Variants in EXOC6B observed in about 807,000 individuals in gnomAD.
The protein encoded by EXOC6B is SEC15 homolog B.
EXOC6B carries 54 observed loss-of-function variants against 113.5 expected under a neutral mutation model. That is an observed-to-expected ratio of 0.48 (90% CI 0.38 to 0.60). The LOEUF is 0.60. EXOC6B is among the 20% of genes least tolerant of loss of function. The pLI, the probability that EXOC6B is intolerant of heterozygous loss-of-function variation, is 0.00. For missense variants in EXOC6B, 797 were observed against 977.5 expected, an observed-to-expected ratio of 0.82 and a Z score of 2.46; for synonymous variants, 357 against 339.0, an observed-to-expected ratio of 1.05 and a Z score of -0.58.
intron 20 of EXOC6B, among the ~76,000 whole-genome samples, chr2:72,309,900 A>G (rs1384145419): frequency 1.3e-5 from 2 of 152,160 alleles, no homozygotes; most frequent in East Asian, 3.8e-4. Flanking sequence ...GGAATCATAT[A>G]TGACTTTTTG....
intron 20 of EXOC6B, among the ~76,000 whole-genome samples, chr2:72,213,382 T>A (rs910242505): frequency 6.6e-6 from 1 of 152,188 alleles, no homozygotes. Flanking sequence ...CTTGTTAATG[T>A]AATAAAAAAT....
chr2:72,393,819 C>G (rs1692545639), intron 18 of EXOC6B, among the ~76,000 whole-genome samples: 1 of 152,234 alleles, frequency 6.6e-6, no homozygotes, highest in South Asian at 2.1e-4. Flanking sequence ...TTAATCAGTG[C>G]ATGCCCAATT....
At chr2:72,195,736 T>C (rs1679128840) in intron 20 of EXOC6B, among the ~76,000 whole-genome samples, 1 of 152,180 alleles carries the variant, frequency 6.6e-6, no homozygotes. Flanking sequence ...CTCCTAATCA[T>C]AATACAAGCT....
chr2:72,521,009 C>T (rs965433565), intron 8 of EXOC6B, among the ~76,000 whole-genome samples: 3 of 152,172 alleles, frequency 2.0e-5, no homozygotes, highest in Non-Finnish European at 4.4e-5. Context: ...CTGCTATGGT[C>T]TGAATGTGTC....
At chr2:72,414,840 A>G (rs1356032469) in intron 18 of EXOC6B, among the ~76,000 whole-genome samples, 1 of 152,210 alleles carries the variant, frequency 6.6e-6, no homozygotes, top group Non-Finnish European at 1.5e-5. Flanking sequence ...CACAGGATCA[A>G]TGGTCAGATA....
rs1479436330 is a variant in EXOC6B at position 72,233,757 on chromosome 2, A to G, written c.2197-49570T>C. The stretch of plus-strand genomic sequence containing the variant: ...GCGGCTTCACTCCAGCTTCTGGCCT[A>G]TCGGTCCTGCTTCAGCACGACTTTG... On this transcript the variant is annotated intron_variant, in intron 20 of 21. Coordinates refer to ENST00000272427, the MANE Select transcript of EXOC6B (RefSeq NM_015189.3). Among the ~76,000 whole-genome samples the G allele has an allele frequency of 3.3e-5, 5 of 152,172 alleles. No individual in the cohort carries two copies. The South Asian group carries it at 8.3e-4, about 25-fold the overall frequency.
chr2:72,236,083 T>C (rs1273148753), intron 20 of EXOC6B, among the ~76,000 whole-genome samples: 1 of 152,222 alleles, frequency 6.6e-6, no homozygotes, highest in Admixed American at 6.5e-5. Flanking sequence ...AAGTGATGTC[T>C]AGAAGAGTTA....
intron 1 of EXOC6B, among the ~76,000 whole-genome samples, chr2:72,792,978 T>C (rs1684755771): frequency 6.6e-6 from 1 of 152,230 alleles, no homozygotes; most frequent in Non-Finnish European, 1.5e-5. Context: ...TTCAGTATTA[T>C]ATAAGTAAGG....
chr2:72,314,014 AG>A (rs1687362222), intron 20 of EXOC6B, among the ~76,000 whole-genome samples: 1 of 152,144 alleles, frequency 6.6e-6, no homozygotes, highest in African/African-American at 2.4e-5. Flanking sequence ...ATGAAAGAAA[AG>A]GGCATGAGGA....
In EXOC6B at chr2:72,445,369, A is replaced by G. The variant is rs190376758; in HGVS notation, c.1980+19791T>C. ...CATTTTCCTGACTTCTGGGCCATCA[A>G]ACTGTTCCAACCTCTGCCCATTAAC... On this transcript the variant is annotated intron_variant, in intron 18 of 21. Coordinates refer to ENST00000272427, the MANE Select transcript of EXOC6B (RefSeq NM_015189.3). Among the ~76,000 whole-genome samples, 5 of 152,248 alleles carry G rather than the reference A, an allele frequency of 3.3e-5. No individual in the cohort carries two copies. The East Asian group carries it at 9.7e-4, about 29-fold the overall frequency.
intron 1 of EXOC6B, among the ~76,000 whole-genome samples, chr2:72,767,084 C>G (rs1683111150): frequency 6.6e-6 from 1 of 151,962 alleles, no homozygotes; most frequent in Non-Finnish European, 1.5e-5. Context: ...AGCCCTCAGC[C>G]AGCAGTTCTC....
chr2:72,368,209 A>T lies in EXOC6B; in HGVS notation c.2122+11520T>A, dbSNP rs183018287. On this transcript the variant is annotated intron_variant, in intron 19 of 21. Coordinates refer to ENST00000272427, the MANE Select transcript of EXOC6B (RefSeq NM_015189.3). ...CACCACTGATCCCACAGAAATACAA[A>T]CTACCATCAGAGAATACTATAAACA... 1.5e-3 allele frequency among the ~76,000 whole-genome samples: 227 copies of T among 152,300 alleles called. 3 individuals carry two copies. The highest frequency in any genetic ancestry group is 5.3e-3 in the African/African-American group (220 of 41,556).
chr2:72,270,665 C>A (rs910990716), intron 20 of EXOC6B, among the ~76,000 whole-genome samples: 3 of 151,954 alleles, frequency 2.0e-5, no homozygotes, highest in Non-Finnish European at 4.4e-5. Context: ...TTGGTAACTA[C>A]CATAACTTTA....
At chr2:72,416,143 G>T (rs1368716126) in intron 18 of EXOC6B, among the ~76,000 whole-genome samples, 1 of 152,164 alleles carries the variant, frequency 6.6e-6, no homozygotes, top group African/African-American at 2.4e-5. Flanking sequence ...TAAGGATTCT[G>T]TTTTGAGGTG....
At chr2:72,338,718 G>A (rs1372379369) in intron 19 of EXOC6B, among the ~76,000 whole-genome samples, 1 of 151,792 alleles carries the variant, frequency 6.6e-6, no homozygotes, top group African/African-American at 2.4e-5. Context: ...CTTTGTATAC[G>A]GTCTAATTTC....
chr2:72,332,708 T>C (rs1436053632), intron 20 of EXOC6B, among the ~76,000 whole-genome samples: 11 of 152,122 alleles, frequency 7.2e-5, no homozygotes, highest in Admixed American at 7.2e-4. Context: ...TTATACTACA[T>C]AATTTTTGAG....
chr2:72,600,043 T>C (rs1670313483), intron 6 of EXOC6B, among the ~76,000 whole-genome samples: 1 of 152,138 alleles, frequency 6.6e-6, no homozygotes, highest in Non-Finnish European at 1.5e-5. Context: ...GACAAACTGA[T>C]TCTAAAGTTT....
At chr2:72,237,015 T>C (rs1681998386) in intron 20 of EXOC6B, among the ~76,000 whole-genome samples, 2 of 152,144 alleles carry the variant, frequency 1.3e-5, no homozygotes, top group Admixed American at 6.5e-5. Context: ...AGTTAATATT[T>C]CCTGAGACCT....
At chr2:72,388,365 A>G (rs547757822) in intron 18 of EXOC6B, among the ~76,000 whole-genome samples, 5 of 152,294 alleles carry the variant, frequency 3.3e-5, no homozygotes, top group African/African-American at 1.2e-4. Context: ...TTTGGAATAT[A>G]TCTGTTATAG....
Sources: allele counts gnomAD v4.1 joint callset (sites outside exome capture counted in the v4.1 genomes callset), GRCh38; gene constraint gnomAD v4.1.1; transcripts MANE v1.5; gene names NCBI Gene and HGNC (gene_info 2026-07-23, HGNC 2026-07-21).